The following CSMD3 variants were observed in gnomAD, a reference collection of about 807,000 sequenced individuals.
The protein encoded by CSMD3 is CUB and Sushi multiple domains 3.
A neutral mutation model predicts 435.2 loss-of-function variants in CSMD3; 177 were observed. The ratio of observed to expected loss-of-function variants is 0.41; its 90% CI spans 0.36 to 0.46. The LOEUF (loss-of-function observed/expected upper bound fraction) is 0.46. Ranked by LOEUF, CSMD3 falls within the 20% of genes least tolerant of loss-of-function variation. The pLI is 0.34. For synonymous variants in CSMD3, 1,656 were observed against 1,520.5 expected (o/e 1.09, Z -2.07); for missense variants, 4,265 against 4,504.6 (o/e 0.95, Z 1.52).
chr8:113,294,242 TTGTC>T (rs1325961791), intron 2 of CSMD3, among the ~76,000 whole-genome samples: 4 of 152,070 alleles, frequency 2.6e-5, no homozygotes, highest in Admixed American at 2.0e-4. Flanking sequence ...TAATAATAGT[TTGTC>T]TGTTTTTATG....
chr8:112,760,108 A>G (rs920173538), intron 13 of CSMD3, among the ~76,000 whole-genome samples: 2 of 152,138 alleles, frequency 1.3e-5, no homozygotes, highest in African/African-American at 4.8e-5. Flanking sequence ...ACACTCCCAA[A>G]ACACTATTCT....
intron 10 of CSMD3, among the ~76,000 whole-genome samples, chr8:112,876,616 T>C (rs544522616): frequency 6.6e-6 from 1 of 152,204 alleles, no homozygotes; most frequent in South Asian, 2.1e-4. Flanking sequence ...TAAAAGGCCT[T>C]CGATAAAATT....
chr8:112,655,038 A>G (rs551321587), intron 18 of CSMD3, among the ~76,000 whole-genome samples: 1 of 152,294 alleles, frequency 6.6e-6, no homozygotes, highest in East Asian at 1.9e-4. Context: ...TTTACAAAAT[A>G]TGCTTTCATG....
At chr8:112,901,037 G>A (rs889437870) in intron 10 of CSMD3, among the ~76,000 whole-genome samples, 1 of 151,200 alleles carries the variant, frequency 6.6e-6, no homozygotes, top group African/African-American at 2.4e-5. Flanking sequence ...ACTGGAGAGA[G>A]GTGGCAGAAG....
At chr8:112,826,360 C>A (rs2079680393) in intron 12 of CSMD3, among the ~76,000 whole-genome samples, 1 of 152,140 alleles carries the variant, frequency 6.6e-6, no homozygotes, top group African/African-American at 2.4e-5. Flanking sequence ...GCTGGCCACC[C>A]CTTCCCCTGA....
intron 6 of CSMD3, among the ~76,000 whole-genome samples, chr8:112,987,186 A>G (rs2085286683): frequency 6.6e-6 from 1 of 152,082 alleles, no homozygotes; most frequent in African/African-American, 2.4e-5. Context: ...TAAATATCTA[A>G]TAGTTTTATA....
chr8:112,406,747 T>G lies in CSMD3; in HGVS notation c.5606-20A>C. The G allele has an allele frequency of 6.9e-7, 1 of 1,458,082 alleles. No homozygotes were observed. Among genetic ancestry groups the G allele is most frequent in the Non-Finnish European group, 9.4e-7 (1 of 1,060,904 alleles). The allele number at this position is 1,458,082 out of a possible 1,614,324, so 90.3% of individuals were successfully genotyped here. On this transcript the variant is annotated intron_variant, in intron 34 of 70. Transcript: ENST00000297405. ...GAACAGCTGTGTAGAAATATTATAT[T>G]TATTTTAATTTTATATGGTAGACAA...
intron 10 of CSMD3, among the ~76,000 whole-genome samples, chr8:112,910,386 T>C (rs1159734083): frequency 3.3e-5 from 5 of 151,802 alleles, no homozygotes; most frequent in African/African-American, 1.2e-4. Context: ...CAGATAACTG[T>C]ACCTACTTTA....
intron 5 of CSMD3, among the ~76,000 whole-genome samples, chr8:113,068,938 G>A (rs1349930927): frequency 6.6e-6 from 1 of 151,848 alleles, no homozygotes; most frequent in Non-Finnish European, 1.5e-5. Flanking sequence ...TAACAGCTAT[G>A]ATGTGAGTCT....
At chr8:112,980,695 C>T (rs988848835) in intron 6 of CSMD3, among the ~76,000 whole-genome samples, 15 of 151,316 alleles carry the variant, frequency 9.9e-5, no homozygotes, top group Non-Finnish European at 1.8e-4. Flanking sequence ...AGGACACTTG[C>T]GAACTAATTG....
rs768247702 is a variant in CSMD3 at position 112,506,817 on chromosome 8, C to A, written c.4769G>T (p.Gly1590Val). ...AAAGCCTGAAGATCCTGTTAAATTGCCTCCACAGGGTGCTTTAATTTAAAC... is the reference window on the plus strand; with the variant it reads ...AAAGCCTGAAGATCCTGTTAAATTGACTCCACAGGGTGCTTTAATTTAAAC... ...SPPVCIAPCG[G>V]NLTGSSGFIL... is the part of the protein sequence containing the mutation. The change falls in exon 29 of 71, where the codon GGC (glycine) becomes GTC (valine). Residue 1590 changes from glycine to valine, a missense_variant. Gly to Val is a moderately radical substitution (Grantham distance 109). This residue lies in a region of CSMD3 where 3,255 missense variants were observed against 3,380.2 expected (regional missense o/e 0.96). Transcript: ENST00000297405. 6.2e-7 allele frequency: 1 copy of A among 1,612,662 alleles called. No individual in the cohort carries two copies. Among genetic ancestry groups the A allele is most frequent in the Non-Finnish European group, 8.5e-7 (1 of 1,179,084 alleles).
At chr8:112,434,783 A>C (rs900196540) in intron 32 of CSMD3, among the ~76,000 whole-genome samples, 1 of 152,110 alleles carries the variant, frequency 6.6e-6, no homozygotes, top group African/African-American at 2.4e-5. Flanking sequence ...CTTTTTCTTA[A>C]TGAGGGCTCC....
chr8:113,258,516 A>G (rs2093402200), intron 3 of CSMD3, among the ~76,000 whole-genome samples: 1 of 152,228 alleles, frequency 6.6e-6, no homozygotes, highest in African/African-American at 2.4e-5. Context: ...TAGAAGTGTC[A>G]TAACACAGCT....
intron 23 of CSMD3, among the ~76,000 whole-genome samples, chr8:112,575,332 C>A (rs1172533235): frequency 6.6e-6 from 1 of 152,018 alleles, no homozygotes. Flanking sequence ...TAGGCTTCTA[C>A]AGTTTGTTTA....
At chr8:112,551,476 T>C (rs1449467694) in intron 26 of CSMD3, among the ~76,000 whole-genome samples, 2 of 152,094 alleles carry the variant, frequency 1.3e-5, no homozygotes, top group Non-Finnish European at 2.9e-5. Context: ...GAAATCTAAT[T>C]ATATTGACAT....
intron 3 of CSMD3, among the ~76,000 whole-genome samples, chr8:113,204,268 G>A (rs1445547769): frequency 6.6e-6 from 1 of 152,128 alleles, no homozygotes; most frequent in African/African-American, 2.4e-5. Flanking sequence ...GGCTAAGGAA[G>A]AGCCAGAGAG....
Position 113,355,795 on chromosome 8 carries a change from T to TGTGTGTGTG in CSMD3, c.179-41003_179-41002insCACACACAC, listed in dbSNP as rs66729311. On this transcript the variant is annotated intron_variant, in intron 1 of 70. Transcript: ENST00000297405. ...GGTGTGTGTGTGTGTGTGTGTGTGTTTGTCAACTATACATTTATCTATCAA... is the reference window on the plus strand; with the variant it reads ...GGTGTGTGTGTGTGTGTGTGTGTGTTGTGTGTGTGTGTCAACTATACATTTATCTATCAA... 1.5e-3 allele frequency among the ~76,000 whole-genome samples: 176 copies of TGTGTGTGTG among 117,890 alleles called. 4 individuals carry two copies. Among genetic ancestry groups the TGTGTGTGTG allele is most frequent in the Middle Eastern group, 5.6e-3 (1 of 180 alleles). 77.3% of individuals were successfully genotyped at this position (117,890 alleles called of 152,430 possible).
chr8:112,797,181 C>G (rs1017981988), intron 13 of CSMD3, among the ~76,000 whole-genome samples: 1 of 151,764 alleles, frequency 6.6e-6, no homozygotes, highest in African/African-American at 2.4e-5. Flanking sequence ...AATTTTTGTT[C>G]CTCTCTCAAT....
chr8:113,190,371 G>A (rs1315760126), intron 3 of CSMD3, among the ~76,000 whole-genome samples: 1 of 151,842 alleles, frequency 6.6e-6, no homozygotes, highest in Non-Finnish European at 1.5e-5. Flanking sequence ...AAGTAAGGAA[G>A]GGTAGTGGAA....
Sources: gnomAD v4.1 joint callset for allele counts (sites outside exome capture counted in the v4.1 genomes callset) on GRCh38, gnomAD v4.1.1 for gene constraint, gnomAD v4.1.1 regional missense constraint, MANE v1.5 for transcripts, NCBI Gene and HGNC (gene_info 2026-07-23, HGNC 2026-07-21) for gene names.